Variants in AEBP2 observed in about 807,000 individuals in gnomAD.
AEBP2 encodes AE binding protein 2, also known as zinc finger protein AEBP2.
Under a neutral mutation model 50.8 loss-of-function variants are expected in AEBP2, and 10 were observed. The observed-to-expected ratio is 0.20, with a 90% confidence interval of 0.12 to 0.33. The LOEUF (loss-of-function observed/expected upper bound fraction) is 0.33. Among genes scored for constraint, AEBP2 ranks in the 10% least tolerant of loss-of-function variants. The probability of loss-of-function intolerance (pLI) is 1.00; values close to 1 mark genes in which losing one functional copy is unlikely to be tolerated. For synonymous variants in AEBP2, 296 were observed against 261.3 expected (o/e 1.13, Z -1.28); for missense variants, 570 against 688.0 (o/e 0.83, Z 1.92).
chr12:19,418,490 T>C (rs1402872372), intron 1 of AEBP2, among the ~76,000 whole-genome samples: 1 of 149,140 alleles, frequency 6.7e-6, no homozygotes, highest in Non-Finnish European at 1.5e-5. Flanking sequence ...CTTGGCCAGC[T>C]AATATGCTGA....
intron 1 of AEBP2, among the ~76,000 whole-genome samples, chr12:19,421,344 C>CAAAAAAAA (rs375160231): frequency 2.4e-5 from 2 of 82,438 alleles, no homozygotes; most frequent in Admixed American, 1.6e-4. Context: ...GACTCTGTCT[C>CAAAAAAAA]AAAAAAAAAA....
intron 1 of AEBP2, among the ~76,000 whole-genome samples, chr12:19,444,811 C>A (rs1391698254): frequency 2.6e-5 from 4 of 152,106 alleles, no homozygotes; most frequent in Non-Finnish European, 5.9e-5. Context: ...TTTGTAAGTA[C>A]CTAACATAAT....
chr12:19,440,158 C>A lies in AEBP2; in HGVS notation c.459C>A (p.Asp153Glu). The change falls in exon 1 of 8, where the codon GAC (aspartate) becomes GAA (glutamate). Residue 153 changes from aspartate to glutamate, a missense_variant. Asp to Glu is a conservative substitution (Grantham distance 45). This residue lies in a region of AEBP2 where 386 missense variants were observed against 336.8 expected (regional missense o/e 1.15). Transcript: ENST00000266508. ...CCAGCAGCAGCAGCGGGGATGGGGACGGCAAGGAGGGCCTGGAGGAGCCCA... is the reference window on the plus strand; with the variant it reads ...CCAGCAGCAGCAGCGGGGATGGGGAAGGCAAGGAGGGCCTGGAGGAGCCCA... ...GAASSSSGDG[D>E]GKEGLEEPKG... is the part of the protein sequence containing the mutation. The A allele has an allele frequency of 6.7e-7, 1 of 1,500,778 alleles. No individual in the cohort carries two copies. The highest frequency in any genetic ancestry group is 8.8e-7 in the Non-Finnish European group (1 of 1,132,292). The allele number at this position is 1,500,778 out of a possible 1,614,324, so 93.0% of individuals were successfully genotyped here. A position where few individuals can be genotyped will look rare whatever the true frequency, so the allele number is the denominator to read the frequency against.
At chr12:19,456,486 A>C in intron 1 of AEBP2, 1 of 1,493,906 alleles carries the variant, frequency 6.7e-7, no homozygotes, top group Non-Finnish European at 9.3e-7. Context: ...CTTTTTACCA[A>C]CATGGCGATC....
At position 19,500,039 on chromosome 12, in the gene AEBP2, A is replaced by G. The variant is rs1415416069; in HGVS notation, c.1175-58A>G. 9.1e-6 allele frequency: 13 copies of G among 1,426,782 alleles called. 1 individual carries two copies. Among genetic ancestry groups the G allele is most frequent in the South Asian group, 6.6e-5 (5 of 76,216 alleles). The allele number at this position is 1,426,782 out of a possible 1,614,324, so 88.4% of individuals were successfully genotyped here. ...GTATTTGTTAATTGTTTCCATCTTT[A>G]TTACTTATTACTGTTATGTTTTTCT... On this transcript the variant is annotated intron_variant, in intron 4 of 7. Transcript: ENST00000266508.
chr12:19,506,954 A>G (rs1949162836), intron 5 of AEBP2, among the ~76,000 whole-genome samples: 1 of 151,976 alleles, frequency 6.6e-6, no homozygotes, highest in South Asian at 2.1e-4. Context: ...CAGATTGGGG[A>G]GAGGGGAGTA....
At chr12:19,510,865 C>CTTTTTTTTTT (rs58870259) in intron 5 of AEBP2, among the ~76,000 whole-genome samples, 6,136 of 88,510 alleles carry the variant, frequency 0.069, 756 homozygotes, top group African/African-American at 0.17. Context: ...AAGGTAGTGA[C>CTTTTTTTTTT]TTTTTTTTTT....
At chr12:19,410,242 A>C (rs2095738579) in intron 1 of AEBP2, among the ~76,000 whole-genome samples, 1 of 152,192 alleles carries the variant, frequency 6.6e-6, no homozygotes, top group African/African-American at 2.4e-5. Flanking sequence ...AGCCAGTTGG[A>C]TTTAACAAAA....
In AEBP2 at chr12:19,519,518, A is replaced by G. The variant is rs555381404; in HGVS notation, c.*1401A>G. On this transcript the variant is annotated 3_prime_UTR_variant, in exon 8 of 8. Coordinates refer to ENST00000266508, the MANE Select transcript of AEBP2 (RefSeq NM_153207.5). ...ATGGCACTCATTTCTGACAGTGATC[A>G]AGAAATCAGTTATTTCCTTACTGTT... The G allele has an allele frequency of 3.9e-5, 6 of 152,728 alleles. No individual in the cohort carries two copies. The East Asian group carries it at 1.2e-3, about 29-fold the overall frequency. The allele number at this position is 152,728 out of a possible 1,614,324, so 9.5% of individuals were successfully genotyped here.
At chr12:19,465,417 A>G (rs1948456305) in intron 2 of AEBP2, among the ~76,000 whole-genome samples, 2 of 151,872 alleles carry the variant, frequency 1.3e-5, no homozygotes, top group Admixed American at 1.3e-4. Context: ...ATAAAATAAA[A>G]AGAGTAATGT....
chr12:19,407,224 GA>G (rs1172697592), intron 1 of AEBP2, among the ~76,000 whole-genome samples: 1 of 152,192 alleles, frequency 6.6e-6, no homozygotes, highest in East Asian at 1.9e-4. Flanking sequence ...TTTGAGCCCA[GA>G]AGTTCAACGC....
intron 4 of AEBP2, 57 bp from the exon 5 acceptor site, chr12:19,500,039 AT>A: frequency 9.8e-6 from 14 of 1,426,900 alleles, no homozygotes; most frequent in Non-Finnish European, 1.3e-5. Context: ...TTCCATCTTT[AT>A]TACTTATTAC....
At chr12:19,473,384 T>C (rs57423687) in intron 3 of AEBP2, 29 bp downstream of exon 3, 6 of 214,100 alleles carry the variant, frequency 2.8e-5, no homozygotes, top group Non-Finnish European at 1.5e-5. Flanking sequence ...AAAATTTATT[T>C]ATTTATTTAT....
intron 5 of AEBP2, among the ~76,000 whole-genome samples, chr12:19,503,869 T>G (rs1443817771): frequency 1.3e-5 from 2 of 152,096 alleles, no homozygotes; most frequent in Non-Finnish European, 2.9e-5. Flanking sequence ...TCTTACTCTG[T>G]CATCCAGGCT....
At chr12:19,496,986 C>T (rs1317831689) in intron 4 of AEBP2, among the ~76,000 whole-genome samples, 2 of 150,836 alleles carry the variant, frequency 1.3e-5, no homozygotes, top group African/African-American at 4.8e-5. Context: ...TATATATATA[C>T]ATATTTTTAA....
chr12:19,507,047 G>C (rs1424370237), intron 5 of AEBP2, among the ~76,000 whole-genome samples: 1 of 152,120 alleles, frequency 6.6e-6, no homozygotes, highest in Non-Finnish European at 1.5e-5. Context: ...TATAAATTGA[G>C]AGCTCAGAGG....
intron 1 of AEBP2, among the ~76,000 whole-genome samples, chr12:19,410,357 A>T (rs1003524156): frequency 2.0e-5 from 3 of 151,882 alleles, no homozygotes; most frequent in Non-Finnish European, 2.9e-5. Context: ...GAGTAAACAC[A>T]CCTCCTGCCA....
chr12:19,411,475 A>T (rs1012230500), intron 1 of AEBP2, among the ~76,000 whole-genome samples: 10 of 152,152 alleles, frequency 6.6e-5, no homozygotes, highest in African/African-American at 1.9e-4. Flanking sequence ...CTTAGCTCTT[A>T]CTGAGCCAGA....
intron 3 of AEBP2, among the ~76,000 whole-genome samples, chr12:19,490,125 G>A (rs569621749): frequency 1.9e-3 from 286 of 148,970 alleles, no homozygotes; most frequent in Non-Finnish European, 1.5e-3. Context: ...GGAATTGTGC[G>A]TGCACTTGGA....
Sources: gnomAD v4.1 joint callset for allele counts (sites outside exome capture counted in the v4.1 genomes callset) on GRCh38, gnomAD v4.1.1 for gene constraint, gnomAD v4.1.1 regional missense constraint, MANE v1.5 for transcripts, NCBI Gene and HGNC (gene_info 2026-07-23, HGNC 2026-07-21) for gene names.